The following CENPU variants were observed in gnomAD, a reference collection of about 807,000 sequenced individuals.
CENPU encodes the protein centromere protein U, also known as KSHV latent nuclear antigen interacting protein 1.
CENPU carries 46 observed loss-of-function variants against 56.7 expected under a neutral mutation model. The observed-to-expected ratio is 0.81, with a 90% CI of 0.64 to 1.04. The LOEUF (loss-of-function observed/expected upper bound fraction) is 1.04. Ranked by LOEUF, CENPU falls within the 50% of genes least tolerant of loss-of-function variation. The probability of loss-of-function intolerance (pLI) is 0.00; values close to 1 mark genes in which losing one functional copy is unlikely to be tolerated. For synonymous variants in CENPU, 166 were observed against 163.0 expected (o/e 1.02, Z -0.14); for missense variants, 510 against 490.1 (o/e 1.04, Z -0.38).
At chr4:184,698,013 T>C (rs1760399195) in intron 11 of CENPU, 1 of 504,734 alleles carries the variant, frequency 2.0e-6, no homozygotes, top group Non-Finnish European at 3.5e-6. Context: ...CAATGAATAA[T>C]TAGCAGTGAT....
chr4:184,723,180 A>G (rs1184425898), intron 4 of CENPU, among the ~76,000 whole-genome samples: 4 of 152,208 alleles, frequency 2.6e-5, no homozygotes, highest in Non-Finnish European at 5.9e-5. Flanking sequence ...AGAATGAGAA[A>G]GCTCCATGTG....
At chr4:184,711,048 G>A (rs1760906625) in intron 7 of CENPU, among the ~76,000 whole-genome samples, 1 of 151,976 alleles carries the variant, frequency 6.6e-6, no homozygotes, top group South Asian at 2.1e-4. Context: ...GTAAAGGTGG[G>A]GTCCCACTAT....
chr4:184,724,829 T>C, intron 4 of CENPU, 128 bp downstream of exon 4: 1 of 593,638 alleles, frequency 1.7e-6, no homozygotes, highest in Non-Finnish European at 2.9e-6. Context: ...TCAGTTCTCT[T>C]GAGAAAAAGC....
At position 184,702,101 on chromosome 4, in the gene CENPU, C is replaced by T. The variant is rs748264780; in HGVS notation, c.912G>A (p.Arg304=). The T allele has an allele frequency of 5.0e-6, 8 of 1,605,258 alleles. No individual in the cohort carries two copies. The South Asian group carries it at 7.7e-5, about 15-fold the overall frequency. ...ATAAATAATTTACCTTAGCATTCTTCCTTTTCAGATTTGTCAACATCTGGC... is the reference window on the plus strand; with the variant it reads ...ATAAATAATTTACCTTAGCATTCTTTCTTTTCAGATTTGTCAACATCTGGC... ...KESQMLTNLK[R]KNAKMISDIE... The change falls in exon 10 of 13, where the codon AGG becomes AGA. Residue 304 remains arginine (R), a synonymous_variant. Transcript: ENST00000281453.
chr4:184,721,440 CAT>C (rs1761269970), intron 4 of CENPU, among the ~76,000 whole-genome samples: 1 of 88,564 alleles, frequency 1.1e-5, no homozygotes, highest in African/African-American at 4.6e-5. Flanking sequence ...AATCAAAAGA[CAT>C]AGAGTGGCTG....
intron 10 of CENPU, among the ~76,000 whole-genome samples, chr4:184,701,248 A>G (rs41278579): frequency 0.11 from 17,312 of 152,208 alleles, 1,241 homozygotes; most frequent in Middle Eastern, 0.16. Context: ...TCTGTATTTT[A>G]AAAGAAATAT....
rs1760868263 is a variant in CENPU, at chr4:184,709,999, CTG to C, written c.797+71_797+72del. 3.2e-5 allele frequency: 22 copies of C among 683,334 alleles called. No individual in the cohort carries two copies. The South Asian group carries it at 5.4e-4, about 17-fold the overall frequency. The allele number at this position is 683,334 out of a possible 1,614,324, so 42.3% of individuals were successfully genotyped here. ...CAATGAAAATAGTACATAACAAAAA[CTG>C]TAGGATGAGCAAAAATGGTGCTTCA... On this transcript the variant is annotated intron_variant, in intron 8 of 12. Coordinates refer to ENST00000281453, the MANE Select transcript of CENPU (RefSeq NM_024629.4).
chr4:184,717,039 A>G, intron 5 of CENPU, 97 bp downstream of exon 5: 1 of 781,392 alleles, frequency 1.3e-6, no homozygotes, highest in Non-Finnish European at 2.1e-6. Context: ...CATCCAATCT[A>G]AAGAGGAAAT....
intron 4 of CENPU, among the ~76,000 whole-genome samples, chr4:184,720,412 T>C (rs540393456): frequency 2.0e-5 from 3 of 151,972 alleles, no homozygotes; most frequent in African/African-American, 7.2e-5. Context: ...AAAGGGCAAA[T>C]CGAAGAGTTA....
chr4:184,721,589 G>C (rs1213295607), intron 4 of CENPU, among the ~76,000 whole-genome samples: 1 of 150,516 alleles, frequency 6.6e-6, no homozygotes, highest in Non-Finnish European at 1.5e-5. Context: ...AAACCAAAAA[G>C]AGCAGAGTAG....
At chr4:184,712,281 C>CA (rs1169323351) in intron 7 of CENPU, among the ~76,000 whole-genome samples, 5 of 152,014 alleles carry the variant, frequency 3.3e-5, no homozygotes, top group Non-Finnish European at 5.9e-5. Context: ...AGATGGATTG[C>CA]AAAAAAACTA....
chr4:184,730,798 ACACT>A, intron 2 of CENPU, 118 bp downstream of exon 2: 1 of 619,058 alleles, frequency 1.6e-6, no homozygotes, highest in Non-Finnish European at 2.8e-6. Context: ...GAAAATGAAC[ACACT>A]TTTTCACTAC....
chr4:184,699,445 T>A (rs1760456596), intron 11 of CENPU: 1 of 575,050 alleles, frequency 1.7e-6, no homozygotes, highest in Non-Finnish European at 2.9e-6. Context: ...CTCATAGGAC[T>A]GTGATGATGA....
chr4:184,730,252 GAAGT>G (rs1284194417), intron 2 of CENPU, among the ~76,000 whole-genome samples: 2 of 152,204 alleles, frequency 1.3e-5, no homozygotes, highest in African/African-American at 4.8e-5. Context: ...AAGAACCCGT[GAAGT>G]AATGCCGGGG....
intron 3 of CENPU, among the ~76,000 whole-genome samples, chr4:184,725,561 A>T (rs1372368610): frequency 6.6e-6 from 1 of 152,216 alleles, no homozygotes; most frequent in Admixed American, 6.5e-5. Flanking sequence ...CGGAAGTCCA[A>T]CATTTTCTTT....
intron 10 of CENPU, 75 bp downstream of exon 10, chr4:184,702,014 C>G: frequency 1.1e-6 from 1 of 946,894 alleles, no homozygotes; most frequent in South Asian, 1.4e-5. Flanking sequence ...GCTGTAAACC[C>G]AGAGTCAAGT....
chr4:184,732,985 CAAAAAAA>C (rs56015944), intron 1 of CENPU, among the ~76,000 whole-genome samples: 2 of 114,868 alleles, frequency 1.7e-5, no homozygotes, highest in Non-Finnish European at 3.7e-5. Context: ...GACTCCGTCT[CAAAAAAA>C]AAAAAAAAAA....
intron 7 of CENPU, among the ~76,000 whole-genome samples, chr4:184,710,823 A>G (rs1760896698): frequency 6.6e-6 from 1 of 152,190 alleles, no homozygotes; most frequent in Non-Finnish European, 1.5e-5. Context: ...GTAAGGTGTT[A>G]TCAATTTGCA....
chr4:184,696,473 A>T (rs1297287170), intron 12 of CENPU, among the ~76,000 whole-genome samples: 3 of 152,210 alleles, frequency 2.0e-5, no homozygotes, highest in Admixed American at 2.0e-4. Flanking sequence ...AATCAATGCT[A>T]CAGATAACTT....
Sources: gnomAD v4.1 joint callset for allele counts (sites outside exome capture counted in the v4.1 genomes callset) on GRCh38, gnomAD v4.1.1 for gene constraint, MANE v1.5 for transcripts, NCBI Gene and HGNC (gene_info 2026-07-23, HGNC 2026-07-21) for gene names.